ACOXL: variants seen among roughly 807,000 people sequenced by gnomAD.
The protein encoded by ACOXL is acyl-CoA oxidase like.
Under a neutral mutation model 71.9 loss-of-function variants are expected in ACOXL, and 70 were observed. The observed-to-expected ratio is 0.97, with a 90% CI of 0.80 to 1.19. ACOXL has a LOEUF of 1.19. Among genes scored for constraint, ACOXL ranks in the 50% most tolerant of loss-of-function variants. The probability of loss-of-function intolerance (pLI) is 0.00; values close to 1 mark genes in which losing one functional copy is unlikely to be tolerated. For missense variants in ACOXL, 703 were observed against 736.3 expected (o/e 0.95, Z 0.52); for synonymous variants, 253 against 281.6 (o/e 0.90, Z 1.02).
rs747839053 is a variant in ACOXL at position 111,092,963 on chromosome 2, T to G, written c.1539T>G (p.Asn513Lys). 6.2e-7 allele frequency: 1 copy of G among 1,613,604 alleles called. No homozygotes were observed. Among genetic ancestry groups the G allele is most frequent in the South Asian group, 1.1e-5 (1 of 91,054 alleles). The change falls in exon 17 of 18, where the codon AAT becomes AAG. Residue 513 changes from asparagine (N) to lysine (K), a missense_variant. Transcript: ENST00000439055. ...CCATGGCCAGCACGAGGATCAGGAA[T>G]CAGGTAAGGTCCCTGGGGTACAGAA... ...LTPMASTRIR[N>K]QLLDLCDSVK...
chr2:111,117,944 C>T lies in ACOXL; in HGVS notation c.*128C>T, dbSNP rs1052429971. On this transcript the variant is annotated 3_prime_UTR_variant, in exon 18 of 18. Coordinates refer to ENST00000439055, the MANE Select transcript of ACOXL (RefSeq NM_001142807.4). Reference sequence around the variant, plus strand: ...CCGCCACTCTCGGGGATTTTGGTGGCAAAGCGGAGGTCCCGCCGAGGCTGG... The same window carrying T: ...CCGCCACTCTCGGGGATTTTGGTGGTAAAGCGGAGGTCCCGCCGAGGCTGG... 2.6e-6 allele frequency: 3 copies of T among 1,167,482 alleles called. No homozygotes were observed. The African/African-American group carries it at 4.7e-5, about 18-fold the overall frequency. 72.3% of individuals were successfully genotyped at this position (1,167,482 alleles called of 1,614,324 possible).
intron 16 of ACOXL, among the ~76,000 whole-genome samples, chr2:111,074,130 A>T (rs1326600241): frequency 6.8e-6 from 1 of 146,766 alleles, no homozygotes; most frequent in African/African-American, 2.6e-5. Context: ...GTTCTAGAGG[A>T]TTTAGGGCAT....
intron 16 of ACOXL, among the ~76,000 whole-genome samples, chr2:111,081,943 A>G (rs2149978965): frequency 6.6e-6 from 1 of 152,344 alleles, no homozygotes; most frequent in Middle Eastern, 3.4e-3. Flanking sequence ...TATTCAATAA[A>G]TTGTGTTAGG....
intron 11 of ACOXL, among the ~76,000 whole-genome samples, chr2:110,926,536 C>T (rs562066617): frequency 5.9e-5 from 9 of 152,160 alleles, no homozygotes; most frequent in East Asian, 1.9e-4. Context: ...ACATGCTGTG[C>T]GTCAGTTTCC....
chr2:111,117,746 C>A lies in ACOXL; in HGVS notation c.1673C>A (p.Pro558His). ...CCGCGGGCCGCGTGGGCTTTCTACC[C>A]TGCACCGCTGCAGCCGCGGCCACGG... ...SNPRAAWAFY[P>H]APLQPRPREE... The change falls in exon 18 of 18, where the codon CCT becomes CAT. Residue 558 changes from proline (P) to histidine (H), a missense_variant. Transcript: ENST00000439055. 1 of 1,551,568 alleles carries A rather than the reference C, an allele frequency of 6.4e-7. No individual in the cohort carries two copies. Among genetic ancestry groups the A allele is most frequent in the Non-Finnish European group, 8.7e-7 (1 of 1,146,994 alleles).
rs115340386 is a variant in ACOXL, at chr2:111,004,982, A to G, written c.1281+8978A>G. ...TTTTGTAGTTCTATGAGGTAAGTCT[A>G]TGGAGAAAAAGATAGATTCTCAGTA... On this transcript the variant is annotated intron_variant, in intron 14 of 17. Coordinates refer to ENST00000439055, the MANE Select transcript of ACOXL (RefSeq NM_001142807.4). Among the ~76,000 whole-genome samples the G allele has an allele frequency of 9.4e-3, 1,431 of 152,348 alleles. 9 individuals are homozygous for G. The highest frequency in any genetic ancestry group is 0.025 in the South Asian group (122 of 4,828).
At chr2:110,990,890 A>G (rs2063143670) in intron 13 of ACOXL, among the ~76,000 whole-genome samples, 1 of 151,952 alleles carries the variant, frequency 6.6e-6, no homozygotes, top group Non-Finnish European at 1.5e-5. Context: ...ATTTTCTTGG[A>G]TTTGGCTTGT....
intron 1 of ACOXL, among the ~76,000 whole-genome samples, chr2:110,743,641 T>G (rs1334965882): frequency 6.6e-6 from 1 of 152,190 alleles, no homozygotes; most frequent in Non-Finnish European, 1.5e-5. Context: ...GGACTGAGGC[T>G]GGCGGAAGGA....
At chr2:110,838,688 C>G (rs1195493452) in intron 9 of ACOXL, among the ~76,000 whole-genome samples, 1 of 152,222 alleles carries the variant, frequency 6.6e-6, no homozygotes. Flanking sequence ...GGAAGACCCA[C>G]AAGAACTTTT....
chr2:111,001,220 G>A (rs1166663174), intron 14 of ACOXL, among the ~76,000 whole-genome samples: 1 of 152,160 alleles, frequency 6.6e-6, no homozygotes, highest in Non-Finnish European at 1.5e-5. Flanking sequence ...ATTTGTGGGT[G>A]TGGCTTTTGT....
chr2:110,897,272 A>G (rs1452847962), intron 10 of ACOXL, among the ~76,000 whole-genome samples: 3 of 152,216 alleles, frequency 2.0e-5, no homozygotes, highest in Non-Finnish European at 4.4e-5. Context: ...CTAAATGCAT[A>G]TATTAGAAAT....
intron 17 of ACOXL, among the ~76,000 whole-genome samples, chr2:111,104,207 C>T (rs1364989795): frequency 6.6e-6 from 1 of 152,170 alleles, no homozygotes; most frequent in Non-Finnish European, 1.5e-5. Flanking sequence ...ACATGGACTG[C>T]AGTTTGTTGA....
At chr2:110,817,972 T>TA (rs1688112973) in intron 9 of ACOXL, among the ~76,000 whole-genome samples, 1 of 150,862 alleles carries the variant, frequency 6.6e-6, no homozygotes, top group Non-Finnish European at 1.5e-5. Flanking sequence ...TTTTTTTTTT[T>TA]AGGGACTGAT....
intron 10 of ACOXL, among the ~76,000 whole-genome samples, chr2:110,907,614 G>T (rs2059502519): frequency 6.6e-6 from 1 of 152,104 alleles, no homozygotes; most frequent in African/African-American, 2.4e-5. Flanking sequence ...CATCTGTGGG[G>T]TGGTTAGACT....
At chr2:111,028,766 T>A (rs891753796) in intron 14 of ACOXL, among the ~76,000 whole-genome samples, 1 of 152,234 alleles carries the variant, frequency 6.6e-6, no homozygotes, top group Non-Finnish European at 1.5e-5. Context: ...CTTAGCTGTG[T>A]GATGCTTTAT....
intron 5 of ACOXL, chr2:110,795,664 C>T (rs900031654): frequency 7.9e-5 from 12 of 152,104 alleles, no homozygotes; most frequent in African/African-American, 2.4e-4. Context: ...GAGTTAGGTT[C>T]GGGTGAGACT....
At chr2:110,920,764 G>C (rs2060036547) in intron 11 of ACOXL, among the ~76,000 whole-genome samples, 1 of 151,982 alleles carries the variant, frequency 6.6e-6, no homozygotes, top group Non-Finnish European at 1.5e-5. Flanking sequence ...TATTGACTTA[G>C]AAATCAATTT....
At chr2:111,107,662 AT>A (rs2069640131) in intron 17 of ACOXL, among the ~76,000 whole-genome samples, 1 of 152,102 alleles carries the variant, frequency 6.6e-6, no homozygotes, top group South Asian at 2.1e-4. Context: ...CTAATTTTGT[AT>A]TTTTAGTAGA....
intron 9 of ACOXL, among the ~76,000 whole-genome samples, chr2:110,833,091 A>AT (rs1008246666): frequency 5.9e-5 from 9 of 152,130 alleles, no homozygotes; most frequent in Non-Finnish European, 1.3e-4. Context: ...AATGAAACAT[A>AT]TTTTTTTCCA....
Sources: allele counts gnomAD v4.1 joint callset (sites outside exome capture counted in the v4.1 genomes callset), GRCh38; gene constraint gnomAD v4.1.1; transcripts MANE v1.5; gene names NCBI Gene and HGNC (gene_info 2026-07-23, HGNC 2026-07-21).